Variants in THSD7B observed in about 807,000 individuals in gnomAD.
THSD7B encodes the protein thrombospondin type-1 domain-containing protein 7B.
THSD7B carries 138 observed loss-of-function variants against 213.6 expected under a neutral mutation model. The observed-to-expected ratio is 0.65, with a 90% confidence interval of 0.56 to 0.74. The LOEUF is 0.74. Ranked by LOEUF, THSD7B falls within the 30% of genes least tolerant of loss-of-function variation. The pLI, the probability that THSD7B is intolerant of heterozygous loss-of-function variation, is 0.00. For synonymous variants in THSD7B, 742 were observed against 687.0 expected (o/e 1.08, Z -1.25); for missense variants, 1,931 against 1,991.5 (o/e 0.97, Z 0.58).
intron 15 of THSD7B, among the ~76,000 whole-genome samples, chr2:137,484,558 AT>A (rs1430648842): frequency 2.8e-5 from 2 of 70,700 alleles, no homozygotes; most frequent in African/African-American, 1.2e-4. Context: ...GCTGGGTCAA[AT>A]GATATTTCTA....
At chr2:137,270,730 T>A (rs566083118) in intron 10 of THSD7B, among the ~76,000 whole-genome samples, 1 of 151,338 alleles carries the variant, frequency 6.6e-6, no homozygotes, top group East Asian at 2.0e-4. Context: ...AGGACAGGAG[T>A]GAGGGGTAGG....
chr2:137,052,854 A>G (rs1687094512), intron 2 of THSD7B, among the ~76,000 whole-genome samples: 1 of 152,196 alleles, frequency 6.6e-6, no homozygotes, highest in African/African-American at 2.4e-5. Context: ...AAATGGCTAT[A>G]GGTCAATTGC....
chr2:137,407,298 A>G (rs1457711599), intron 13 of THSD7B, among the ~76,000 whole-genome samples: 1 of 152,130 alleles, frequency 6.6e-6, no homozygotes, highest in Non-Finnish European at 1.5e-5. Flanking sequence ...TCTAAAAATT[A>G]CTCATACTAA....
chr2:137,490,089 G>C (rs920773171), intron 15 of THSD7B, among the ~76,000 whole-genome samples: 3 of 152,188 alleles, frequency 2.0e-5, no homozygotes, highest in Admixed American at 6.5e-5. Context: ...AGCTAGCAGG[G>C]ATGATGATAT....
chr2:136,792,337 A>G (rs1681980724), intron 1 of THSD7B, among the ~76,000 whole-genome samples: 1 of 151,992 alleles, frequency 6.6e-6, no homozygotes, highest in South Asian at 2.1e-4. Flanking sequence ...TGAAAAGATC[A>G]GTGGTTGCCA....
At chr2:137,369,336 T>C (rs1213656654) in intron 12 of THSD7B, among the ~76,000 whole-genome samples, 1 of 152,138 alleles carries the variant, frequency 6.6e-6, no homozygotes. Context: ...GTCTTTCAAA[T>C]TGATTTCTGG....
rs200961985 is a variant in THSD7B, at chr2:136,962,999, AT to A, written c.139+80683del. On this transcript the variant is annotated intron_variant, in intron 2 of 27. Coordinates refer to ENST00000409968, the MANE Select transcript of THSD7B (RefSeq NM_001316349.2). ...GGATTAAAGGAGAAGTCTAAATGAA[AT>A]GGCAAATGGGGATTATGTTACTGCT... Among the ~76,000 whole-genome samples the A allele has an allele frequency of 2.4e-4, 36 of 152,354 alleles. 1 individual carries two copies. The East Asian group carries it at 6.9e-3, about 29-fold the overall frequency.
At chr2:137,038,889 T>A (rs1573782300) in intron 2 of THSD7B, among the ~76,000 whole-genome samples, 1 of 152,164 alleles carries the variant, frequency 6.6e-6, no homozygotes, top group South Asian at 2.1e-4. Flanking sequence ...ACCTAGAAAG[T>A]GGAGCAGCCA....
chr2:137,495,551 T>A (rs2105128110), intron 15 of THSD7B, among the ~76,000 whole-genome samples: 1 of 152,230 alleles, frequency 6.6e-6, no homozygotes, highest in South Asian at 2.1e-4. Flanking sequence ...CCAAGGATTA[T>A]CTTGGGAGGG....
intron 5 of THSD7B, among the ~76,000 whole-genome samples, chr2:137,124,625 T>C (rs901842398): frequency 5.3e-5 from 8 of 152,322 alleles, no homozygotes; most frequent in African/African-American, 1.9e-4. Flanking sequence ...TGAACTAGGA[T>C]GCTAGTTCTA....
intron 12 of THSD7B, among the ~76,000 whole-genome samples, chr2:137,289,777 T>G (rs542076050): frequency 6.6e-6 from 1 of 151,896 alleles, no homozygotes; most frequent in African/African-American, 2.4e-5. Context: ...AGGACCACCC[T>G]GTACAATTAT....
At chr2:136,992,906 C>T (rs982706410) in intron 2 of THSD7B, among the ~76,000 whole-genome samples, 2 of 152,324 alleles carry the variant, frequency 1.3e-5, no homozygotes, top group Middle Eastern at 3.4e-3. Context: ...ATCTGAAGAA[C>T]TGAAGAATAG....
At chr2:137,072,248 G>A (rs1687508997) in intron 3 of THSD7B, among the ~76,000 whole-genome samples, 4 of 152,140 alleles carry the variant, frequency 2.6e-5, no homozygotes, top group Non-Finnish European at 5.9e-5. Flanking sequence ...AGCATGCATT[G>A]TTCTTCCGTT....
At chr2:137,409,073 T>C (rs995945817) in intron 13 of THSD7B, among the ~76,000 whole-genome samples, 1 of 152,210 alleles carries the variant, frequency 6.6e-6, no homozygotes, top group African/African-American at 2.4e-5. Context: ...ACAAATCATA[T>C]AGGTCCTTGA....
intron 1 of THSD7B, among the ~76,000 whole-genome samples, chr2:136,879,546 T>C (rs1251334609): frequency 1.3e-5 from 2 of 152,160 alleles, no homozygotes; most frequent in Non-Finnish European, 2.9e-5. Context: ...TTCCTACCCA[T>C]GAGCATGGAA....
At chr2:136,987,496 T>C (rs963668965) in intron 2 of THSD7B, among the ~76,000 whole-genome samples, 2 of 152,190 alleles carry the variant, frequency 1.3e-5, no homozygotes, top group Admixed American at 6.5e-5. Flanking sequence ...ATAATGGGCA[T>C]GTTTTTACTA....
intron 15 of THSD7B, among the ~76,000 whole-genome samples, chr2:137,517,946 T>C (rs911053825): frequency 1.7e-4 from 26 of 152,194 alleles, no homozygotes; most frequent in Admixed American, 2.6e-4. Flanking sequence ...CAACCTGAAC[T>C]GCCTATCATG....
intron 1 of THSD7B, among the ~76,000 whole-genome samples, chr2:136,801,668 T>C (rs1205098205): frequency 6.6e-6 from 1 of 152,048 alleles, no homozygotes; most frequent in African/African-American, 2.4e-5. Context: ...TTAAAGAGGC[T>C]GTAACAAGTA....
At chr2:137,536,933 C>G (rs1467702211) in intron 15 of THSD7B, among the ~76,000 whole-genome samples, 4 of 151,668 alleles carry the variant, frequency 2.6e-5, no homozygotes, top group Admixed American at 6.6e-5. Flanking sequence ...TTGTTATTTA[C>G]CCAGCACATA....
Sources: gnomAD v4.1 joint callset for allele counts (sites outside exome capture counted in the v4.1 genomes callset) on GRCh38, gnomAD v4.1.1 for gene constraint, MANE v1.5 for transcripts, NCBI Gene and HGNC (gene_info 2026-07-23, HGNC 2026-07-21) for gene names.